Variants in SPECC1L observed in about 807,000 individuals in gnomAD.
SPECC1L encodes sperm antigen with calponin homology and coiled-coil domains 1 like.
A neutral mutation model predicts 116.8 loss-of-function variants in SPECC1L; 40 were observed. The observed-to-expected ratio is 0.34, with a 90% CI of 0.27 to 0.45. The LOEUF is 0.45. Ranked by LOEUF, SPECC1L falls within the 20% of genes least tolerant of loss-of-function variation. The pLI is 1.00. For missense variants in SPECC1L, 1,110 were observed against 1,373.6 expected (o/e 0.81, Z 3.03); for synonymous variants, 504 against 500.6 (o/e 1.01, Z -0.09).
chr22:24,271,961 A>G (rs752539020), intron 1 of SPECC1L, among the ~76,000 whole-genome samples: 1 of 152,232 alleles, frequency 6.6e-6, no homozygotes, highest in Non-Finnish European at 1.5e-5. Context: ...ACATCTTGAG[A>G]TGAAATCAGA....
intron 3 of SPECC1L, among the ~76,000 whole-genome samples, chr22:24,310,551 T>G (rs2040442473): frequency 1.3e-5 from 2 of 152,232 alleles, no homozygotes; most frequent in Admixed American, 6.5e-5. Flanking sequence ...TGACAAGTGC[T>G]GCTTAATTTG....
At chr22:24,348,706 T>A (rs935442410) in intron 11 of SPECC1L, among the ~76,000 whole-genome samples, 1 of 152,252 alleles carries the variant, frequency 6.6e-6, no homozygotes, top group South Asian at 2.1e-4. Context: ...AGGATTTACA[T>A]AGGTGTGCAG....
At chr22:24,394,691 A>G (rs2042334367) in intron 14 of SPECC1L, among the ~76,000 whole-genome samples, 1 of 152,174 alleles carries the variant, frequency 6.6e-6, no homozygotes, top group African/African-American at 2.4e-5. Context: ...TATCCTTGCC[A>G]AGACCATGTG....
rs376575566 is a variant in SPECC1L at position 24,398,942 on chromosome 22, A to C, written c.3088-12646A>C. Among the ~76,000 whole-genome samples, 546 of 152,302 alleles carry C rather than the reference A, an allele frequency of 3.6e-3. 16 individuals are homozygous for C. In the South Asian group the frequency reaches 0.091, roughly 25 times the overall value. On this transcript the variant is annotated intron_variant, in intron 14 of 16. Transcript: ENST00000314328. The stretch of plus-strand genomic sequence containing the variant: ...GAGGGTCTTTTTCAGTTGAGATTGC[A>C]TTTTAGTGAGTAATATCCCCTGCCA...
intron 2 of SPECC1L, among the ~76,000 whole-genome samples, chr22:24,288,266 G>A (rs1279612243): frequency 6.6e-6 from 1 of 152,156 alleles, no homozygotes; most frequent in African/African-American, 2.4e-5. Flanking sequence ...TCTTTGTCGT[G>A]GGGGGCTGTC....
chr22:24,384,734 G>T (rs1355699091), intron 14 of SPECC1L, among the ~76,000 whole-genome samples: 1 of 152,170 alleles, frequency 6.6e-6, no homozygotes, highest in African/African-American at 2.4e-5. Flanking sequence ...GAGATGTGCT[G>T]TGATTATAAA....
chr22:24,279,519 C>T (rs549084632), intron 2 of SPECC1L, among the ~76,000 whole-genome samples: 2 of 151,838 alleles, frequency 1.3e-5, no homozygotes, highest in Admixed American at 6.6e-5. Context: ...TGAGCCACTG[C>T]ACCTGGCCTT....
At chr22:24,331,581 C>T (rs1284015788) in intron 8 of SPECC1L, among the ~76,000 whole-genome samples, 1 of 152,146 alleles carries the variant, frequency 6.6e-6, no homozygotes, top group Non-Finnish European at 1.5e-5. Flanking sequence ...AAAATGCTTT[C>T]TGAAAGAGGT....
chr22:24,332,690 G>A (rs2040962494), intron 8 of SPECC1L, among the ~76,000 whole-genome samples: 1 of 151,176 alleles, frequency 6.6e-6, no homozygotes, highest in Non-Finnish European at 1.5e-5. Context: ...GCAAAGCCCT[G>A]TTACTCTTCT....
At chr22:24,319,693 T>C (rs1163353767) in intron 4 of SPECC1L, among the ~76,000 whole-genome samples, 2 of 152,214 alleles carry the variant, frequency 1.3e-5, no homozygotes, top group Non-Finnish European at 2.9e-5. Context: ...TGTGCCATGT[T>C]CACTTCTGCT....
intron 14 of SPECC1L, among the ~76,000 whole-genome samples, chr22:24,392,186 T>TG (rs1316509467): frequency 1.3e-5 from 2 of 152,260 alleles, no homozygotes; most frequent in African/African-American, 4.8e-5. Context: ...GACTCTTCAG[T>TG]AAGTTTCCAG....
At chr22:24,338,980 T>C (rs185049587) in intron 10 of SPECC1L, among the ~76,000 whole-genome samples, 4 of 152,354 alleles carry the variant, frequency 2.6e-5, no homozygotes, top group African/African-American at 7.2e-5. Flanking sequence ...TGTCTCAGCC[T>C]TTACTGCATA....
In SPECC1L at chr22:24,417,721, T is replaced by TA. The variant is rs961087154; in HGVS notation, c.*3101dup. On this transcript the variant is annotated 3_prime_UTR_variant, in exon 17 of 17. Transcript: ENST00000314328. ...GGTATCCTACCCAGAGGCAACCAGATAAACTTTTTTGCCTGTGCATTGTTT... is the reference window on the plus strand; with the variant it reads ...GGTATCCTACCCAGAGGCAACCAGATAAAACTTTTTTGCCTGTGCATTGTTT... 6.6e-6 allele frequency: 1 copy of TA among 152,220 alleles called. No homozygotes were observed. Among genetic ancestry groups the TA allele is most frequent in the African/African-American group, 2.4e-5 (1 of 41,454 alleles). The allele number at this position is 152,220 out of a possible 1,614,324, so 9.4% of individuals were successfully genotyped here.
chr22:24,384,843 A>C (rs778915184), intron 14 of SPECC1L, among the ~76,000 whole-genome samples: 1 of 152,084 alleles, frequency 6.6e-6, no homozygotes, highest in Non-Finnish European at 1.5e-5. Flanking sequence ...TTGGGAGGCC[A>C]AGGTGGGCGG....
chr22:24,382,704 CAAA>C (rs34174849), intron 14 of SPECC1L, among the ~76,000 whole-genome samples: 4 of 59,656 alleles, frequency 6.7e-5, no homozygotes, highest in East Asian at 5.4e-4. Flanking sequence ...GACTCCATCT[CAAA>C]AAAAAAAAAA....
chr22:24,378,528 C>T (rs2042010022), intron 14 of SPECC1L, among the ~76,000 whole-genome samples: 1 of 152,204 alleles, frequency 6.6e-6, no homozygotes, highest in Admixed American at 6.5e-5. Context: ...TGGCTTTTGC[C>T]GTGCTTTTCT....
chr22:24,340,140 C>CTTTTTTTTTTT (rs765402107), intron 10 of SPECC1L, among the ~76,000 whole-genome samples: 1 of 105,140 alleles, frequency 9.5e-6, no homozygotes, highest in African/African-American at 4.6e-5. Context: ...ATTTAATGAC[C>CTTTTTTTTTTT]TTTTTTTTTT....
chr22:24,396,960 C>T (rs2042380833), intron 14 of SPECC1L, among the ~76,000 whole-genome samples: 1 of 152,218 alleles, frequency 6.6e-6, no homozygotes, highest in African/African-American at 2.4e-5. Context: ...CAGCTCTTCT[C>T]TGGGGTCCTG....
intron 4 of SPECC1L, among the ~76,000 whole-genome samples, chr22:24,317,997 A>G (rs1440997197): frequency 2.0e-5 from 3 of 146,886 alleles, no homozygotes; most frequent in Admixed American, 1.4e-4. Context: ...CACTTCCTAG[A>G]TGGGATGGCG....
Sources: allele counts gnomAD v4.1 joint callset (sites outside exome capture counted in the v4.1 genomes callset), GRCh38; gene constraint gnomAD v4.1.1; transcripts MANE v1.5; gene names NCBI Gene and HGNC (gene_info 2026-07-23, HGNC 2026-07-21).